Variants in KMT2B observed in about 807,000 individuals in gnomAD.
KMT2B encodes the protein lysine methyltransferase 2B, also known as histone-lysine N-methyltransferase 2B.
Under a neutral mutation model 255.3 loss-of-function variants are expected in KMT2B, and 22 were observed. The observed-to-expected ratio is 0.09, with a 90% confidence interval of 0.06 to 0.12. The LOEUF (loss-of-function observed/expected upper bound fraction) is 0.12. Ranked by LOEUF, KMT2B falls within the 10% of genes least tolerant of loss-of-function variation. The pLI is 1.00. For synonymous variants in KMT2B, 1,730 were observed against 1,498.1 expected (o/e 1.15, Z -3.57); for missense variants, 3,149 against 3,737.0 (o/e 0.84, Z 4.10).
At position 35,725,101 on chromosome 19, in the gene KMT2B, T is replaced by C; in HGVS notation, c.3528+14T>C. On this transcript the variant is annotated intron_variant, in intron 10 of 36. Transcript: ENST00000420124. This position sits in a 1 kb window ranked among gnomAD's most constrained non-coding sequence, Gnocchi z 4.1. ...GTGGATTTTAAGGTATGGCATTGAG[T>C]GGGGCGAGTCACAGAGCCTCTGGTT... The C allele has an allele frequency of 6.2e-7, 1 of 1,602,082 alleles. No homozygotes were observed. Among genetic ancestry groups the C allele is most frequent in the Non-Finnish European group, 8.6e-7 (1 of 1,169,204 alleles).
chr19:35,733,735 C>T lies in KMT2B; in HGVS notation c.7050-28C>T. On this transcript the variant is annotated intron_variant, in intron 29 of 36. Transcript: ENST00000420124. The surrounding 1 kb of genome is among the most constrained non-coding windows in gnomAD (Gnocchi z 4.3). ...TGGAGGGTCTGGGACCTCTGTCCTT[C>T]CCCTTCCTGACAGGTCTCTTCTCGC... is the stretch of plus-strand genomic sequence containing the variant. The T allele has an allele frequency of 6.2e-7, 1 of 1,610,224 alleles. No homozygotes were observed. The highest frequency in any genetic ancestry group is 1.1e-5 in the South Asian group (1 of 90,648).
At chr19:35,734,468 G>A (rs555956074) in intron 30 of KMT2B, among the ~76,000 whole-genome samples, 2 of 152,312 alleles carry the variant, frequency 1.3e-5, no homozygotes, top group East Asian at 1.9e-4. Flanking sequence ...GATCGGGAGC[G>A]GGAGGTGGGC....
At position 35,725,549 on chromosome 19, in the gene KMT2B, C is replaced by T; in HGVS notation, c.3713C>T (p.Pro1238Leu). ...CTGGAGGAGGCCGAGCGGCCCCTGC[C>T]CCAGCATCACGACACCTGGTGCTGC... ...FCLEEAERPL[P>L]QHHDTWCCRR... The change falls in exon 12 of 37, where the codon CCC (proline) becomes CTC (leucine). Residue 1238 changes from proline to leucine, a missense_variant. Pro to Leu is a moderately conservative substitution (Grantham distance 98). Around this residue, in one of 18 missense-constraint regions of KMT2B, gnomAD observed 42 missense variants for 121.0 expected, o/e 0.35. Transcript: ENST00000420124. The surrounding 1 kb of genome is among the most constrained non-coding windows in gnomAD (Gnocchi z 4.1). 6.2e-7 allele frequency: 1 copy of T among 1,610,968 alleles called. No homozygotes were observed. Among genetic ancestry groups the T allele is most frequent in the African/African-American group, 1.3e-5 (1 of 75,066 alleles).
Position 35,724,653 on chromosome 19 carries a change from A to G in KMT2B, c.3351A>G (p.Glu1117=). The change falls in exon 9 of 37, where the codon GAA becomes GAG. Residue 1117 remains glutamate (E), a synonymous_variant. Transcript: ENST00000420124. ...CCTGCCTAGAGCTGCCACTGCCAGA[A>G]CCTGAGGAGCAGAGCCGGCCCCGCA... The part of the protein sequence containing the change: ...TPRENELPLP[E]PEEQSRPRKP... 3 of 1,599,526 alleles carry G rather than the reference A, an allele frequency of 1.9e-6. No individual in the cohort carries two copies. Among genetic ancestry groups the G allele is most frequent in the Non-Finnish European group, 1.7e-6 (2 of 1,173,478 alleles).
Position 35,720,527 on chromosome 19 carries a change from G to T in KMT2B, c.1180G>T (p.Ala394Ser), listed in dbSNP as rs1969144809. 1.3e-6 allele frequency: 2 copies of T among 1,550,246 alleles called. No individual in the cohort carries two copies. Among genetic ancestry groups the T allele is most frequent in the Middle Eastern group, 1.7e-4 (1 of 5,958 alleles). ...TGTAGCTGAGGAGATGATGCCAGCT[G>T]CGGAAAAGGAAGAGGCAAAGCTGCC... ...RAVAEEMMPA[A>S]EKEEAKLPPP... Residue 394 changes from alanine to serine, a missense_variant, in exon 3 of 37, where the codon GCG becomes TCG. Transcript: ENST00000420124.
chr19:35,734,879 C>G (rs1969858412), intron 30 of KMT2B, among the ~76,000 whole-genome samples: 1 of 152,166 alleles, frequency 6.6e-6, no homozygotes, highest in South Asian at 2.1e-4. Flanking sequence ...AGCTGGGAAG[C>G]AGAGTGACGT....
In KMT2B at chr19:35,732,261, G is replaced by A. The variant is rs375899896; in HGVS notation, c.5712G>A (p.Pro1904=). The change falls in exon 28 of 37, where the codon CCG becomes CCA. Residue 1904 remains proline, a synonymous_variant. Coordinates refer to ENST00000420124, the MANE Select transcript of KMT2B (RefSeq NM_014727.3). ...LTHHIPTVGD[P]DFPAPPRRSR... ...ACCACATCCCCACAGTGGGAGACCCGGACTTCCCAGCTCCCCCCAGACGTT... is the reference window on the plus strand; with the variant it reads ...ACCACATCCCCACAGTGGGAGACCCAGACTTCCCAGCTCCCCCCAGACGTT... The A allele has an allele frequency of 3.9e-5, 62 of 1,606,858 alleles. No homozygotes were observed. In the African/African-American group the frequency reaches 5.9e-4, roughly 15 times the overall value.
rs781184625 is a variant in KMT2B at position 35,725,022 on chromosome 19, C to G, written c.3463C>G (p.Pro1155Ala). The G allele has an allele frequency of 5.0e-6, 8 of 1,613,856 alleles. No individual in the cohort carries two copies. In the South Asian group the frequency reaches 7.7e-5, roughly 16 times the overall value. Residue 1155 changes from proline to alanine, a missense_variant, in exon 10 of 37, where the codon CCC (proline) becomes GCC (alanine). By Grantham distance (27) the Pro-to-Ala change is conservative. Around this residue, in one of 18 missense-constraint regions of KMT2B, gnomAD observed 136 missense variants for 137.3 expected, o/e 0.99. Coordinates refer to ENST00000420124, the MANE Select transcript of KMT2B (RefSeq NM_014727.3). This position sits in a 1 kb window ranked among gnomAD's most constrained non-coding sequence, Gnocchi z 4.1. ...GGCCCCTGGCCCCTTTGCTTCTTTTCCCAATGGCTGGACTGGAAAGCAGAA... is the reference window on the plus strand; with the variant it reads ...GGCCCCTGGCCCCTTTGCTTCTTTTGCCAATGGCTGGACTGGAAAGCAGAA... Reference protein sequence around the residue: ...ALAPGPFASFPNGWTGKQKSP... With the variant: ...ALAPGPFASFANGWTGKQKSP...
intron 26 of KMT2B, 79 bp from the exon 27 acceptor site, chr19:35,731,829 A>T: frequency 1.8e-6 from 2 of 1,105,562 alleles, no homozygotes; most frequent in Non-Finnish European, 2.7e-6. Flanking sequence ...TGGGAGGCAT[A>T]GTGGCTCAGG....
At position 35,723,987 on chromosome 19, in the gene KMT2B, G is replaced by A. The variant is rs377179255; in HGVS notation, c.3314G>A (p.Arg1105His). ...CCCGGGGGCCCCCCTGCTCCTCGGC[G>A]TCGGACCCCCCGAGAAAATGGTGCG... is the stretch of plus-strand genomic sequence containing the variant. ...SEPGGPPAPR[R>H]RTPRENELPL... Residue 1105 changes from arginine to histidine, a missense_variant, in exon 8 of 37, where the codon CGT becomes CAT. By Grantham distance (29) the Arg-to-His change is conservative (BLOSUM62 0). This residue lies in a region of KMT2B where 136 missense variants were observed against 137.3 expected (regional missense o/e 0.99). Coordinates refer to ENST00000420124, the MANE Select transcript of KMT2B (RefSeq NM_014727.3). This position sits in a 1 kb window ranked among gnomAD's most constrained non-coding sequence, Gnocchi z 7.5. 1.5e-5 allele frequency: 24 copies of A among 1,594,276 alleles called. No homozygotes were observed. Among genetic ancestry groups the A allele is most frequent in the Non-Finnish European group, 1.9e-5 (22 of 1,170,928 alleles).
intron 8 of KMT2B, 135 bp from the exon 9 acceptor site, chr19:35,724,502 A>G (rs1969352177): frequency 1.3e-6 from 1 of 766,626 alleles, no homozygotes; most frequent in Non-Finnish European, 2.2e-6. Flanking sequence ...CTGCCTCAAA[A>G]AACAAGAAAA....
In KMT2B at chr19:35,725,872, C is replaced by T; in HGVS notation, c.3885+54C>T. ...TGTCTCTAATGAATATCACCACCAC[C>T]CCCAAACTTGCTCTAGGCTGGGGCT... On this transcript the variant is annotated intron_variant, in intron 13 of 36. Coordinates refer to ENST00000420124, the MANE Select transcript of KMT2B (RefSeq NM_014727.3). This position sits in a 1 kb window ranked among gnomAD's most constrained non-coding sequence, Gnocchi z 4.1. 7.0e-7 allele frequency: 1 copy of T among 1,435,424 alleles called. No individual in the cohort carries two copies. Among genetic ancestry groups the T allele is most frequent in the Non-Finnish European group, 9.6e-7 (1 of 1,042,090 alleles). The allele number at this position is 1,435,424 out of a possible 1,614,324, so 88.9% of individuals were successfully genotyped here. A position where few individuals can be genotyped will look rare whatever the true frequency, so the allele number is the denominator to read the frequency against.
Position 35,722,693 on chromosome 19 carries a change from G to C in KMT2B, c.2697G>C (p.Arg899=), listed in dbSNP as rs766857912. 12 of 1,607,110 alleles carry C rather than the reference G, an allele frequency of 7.5e-6. No individual in the cohort carries two copies. The highest frequency in any genetic ancestry group is 1.7e-4 in the Middle Eastern group (1 of 6,020). The change falls in exon 5 of 37, where the codon CGG becomes CGC. Residue 899 remains arginine (R), a synonymous_variant. Transcript: ENST00000420124. ...CTCGCCTCAGTGCCCTCCCTCTCCGGGATCGGCAGGACCTCGCCACAGAGG... is the reference window on the plus strand; with the variant it reads ...CTCGCCTCAGTGCCCTCCCTCTCCGCGATCGGCAGGACCTCGCCACAGAGG... The part of the protein sequence containing the change: ...DVPRLSALPL[R]DRQDLATEDT...
chr19:35,724,188 C>T (rs1425107211), intron 8 of KMT2B, among the ~76,000 whole-genome samples, 181 bp downstream of exon 8: 4 of 152,028 alleles, frequency 2.6e-5, no homozygotes, highest in Non-Finnish European at 5.9e-5. Flanking sequence ...TCTCAGTGAG[C>T]CTAATGAGTG....
In KMT2B at chr19:35,738,800, C is replaced by G; in HGVS notation, c.*243C>G. Reference sequence around the variant, plus strand: ...TTGTACAAAGGTTTCTAAATCCCTTCTTTTCTATGCACTTTTTTATTTAAG... The same window carrying G: ...TTGTACAAAGGTTTCTAAATCCCTTGTTTTCTATGCACTTTTTTATTTAAG... On this transcript the variant is annotated 3_prime_UTR_variant, in exon 37 of 37. Coordinates refer to ENST00000420124, the MANE Select transcript of KMT2B (RefSeq NM_014727.3). The surrounding 1 kb of genome is among the most constrained non-coding windows in gnomAD (Gnocchi z 8.7). 1 of 547,730 alleles carries G rather than the reference C, an allele frequency of 1.8e-6. No homozygotes were observed. Among genetic ancestry groups the G allele is most frequent in the Non-Finnish European group, 3.2e-6 (1 of 312,678 alleles). 33.9% of individuals were successfully genotyped at this position (547,730 alleles called of 1,614,324 possible).
Position 35,719,944 on chromosome 19 carries a change from G to A in KMT2B, c.597G>A (p.Arg199=). 6.2e-7 allele frequency: 1 copy of A among 1,613,408 alleles called. No individual in the cohort carries two copies. Among genetic ancestry groups the A allele is most frequent in the South Asian group, 1.1e-5 (1 of 91,088 alleles). The part of the protein sequence containing the change: ...MVQALTELLR[R]AQAPQAPRSR... ...AGGCACTGACTGAACTTCTCCGGCG[G>A]GCCCAGGCACCCCAAGCACCCCGGA... Residue 199 remains arginine (R), a synonymous_variant, in exon 3 of 37, where the codon CGG becomes CGA. Transcript: ENST00000420124.
In KMT2B at chr19:35,733,123, A is replaced by T. The variant is rs1969779196; in HGVS notation, c.6574A>T (p.Ile2192Leu). 6.3e-7 allele frequency: 1 copy of T among 1,590,668 alleles called. No individual in the cohort carries two copies. Among genetic ancestry groups the T allele is most frequent in the Non-Finnish European group, 8.6e-7 (1 of 1,168,344 alleles). The stretch of plus-strand genomic sequence containing the variant: ...CCCCAAACCCGCCACATCCAAAATC[A>T]TACTTGTCAACAAGCTGGGGCAAGT... ...EPPKPATSKI[I>L]LVNKLGQVFV... The change falls in exon 28 of 37, where the codon ATA becomes TTA. Residue 2192 changes from isoleucine to leucine, a missense_variant. Transcript: ENST00000420124. This position sits in a 1 kb window ranked among gnomAD's most constrained non-coding sequence, Gnocchi z 4.3.
At position 35,732,156 on chromosome 19, in the gene KMT2B, G is replaced by A. The variant is rs374867138; in HGVS notation, c.5665+21G>A. 8.3e-6 allele frequency: 13 copies of A among 1,574,160 alleles called. No individual in the cohort carries two copies. In the African/African-American group the frequency reaches 1.8e-4, roughly 21 times the overall value. ...CCCTGGTGAGCACCGGGCATGTGGG[G>A]GTTGGGGGTGGAGCCGCGGAGGTGG... On this transcript the variant is annotated intron_variant, in intron 27 of 36. Transcript: ENST00000420124.
rs920110338 is a variant in KMT2B, at chr19:35,723,717, C to G, written c.3059-15C>G. 1.3e-6 allele frequency: 2 copies of G among 1,518,796 alleles called. No individual in the cohort carries two copies. Among genetic ancestry groups the G allele is most frequent in the East Asian group, 2.3e-5 (1 of 43,940 alleles). The allele number at this position is 1,518,796 out of a possible 1,614,324, so 94.1% of individuals were successfully genotyped here. A position where few individuals can be genotyped will look rare whatever the true frequency, so the allele number is the denominator to read the frequency against. Reference sequence around the variant, plus strand: ...TGGCTGAGCTCAAATCCTACTAAGTCCCCTGTTCCCGCAGGCCGGACGATA... The same window carrying G: ...TGGCTGAGCTCAAATCCTACTAAGTGCCCTGTTCCCGCAGGCCGGACGATA... On this transcript the variant is annotated splice_polypyrimidine_tract_variant and intron_variant, in intron 7 of 36. Transcript: ENST00000420124. This position sits in a 1 kb window ranked among gnomAD's most constrained non-coding sequence, Gnocchi z 7.5.
Sources: gnomAD v4.1 joint callset for allele counts (sites outside exome capture counted in the v4.1 genomes callset) on GRCh38, gnomAD v4.1.1 for gene constraint, gnomAD v4.1.1 regional missense constraint, Gnocchi (gnomAD v3.1) non-coding constraint, MANE v1.5 for transcripts, NCBI Gene and HGNC (gene_info 2026-07-23, HGNC 2026-07-21) for gene names.